NDUFAF1: variants seen among roughly 807,000 people sequenced by gnomAD.
The protein encoded by NDUFAF1 is NADH:ubiquinone oxidoreductase complex assembly factor 1.
Under a neutral mutation model 28.7 loss-of-function variants are expected in NDUFAF1, and 18 were observed. The ratio of observed to expected loss-of-function variants is 0.63; its 90% CI spans 0.43 to 0.93. NDUFAF1 has a LOEUF of 0.93. NDUFAF1 is among the 40% of genes least tolerant of loss of function. The probability of loss-of-function intolerance (pLI) is 0.00; values close to 1 mark genes in which losing one functional copy is unlikely to be tolerated. For synonymous variants in NDUFAF1, 113 were observed against 139.7 expected (o/e 0.81, Z 1.35); for missense variants, 404 against 398.3 (o/e 1.01, Z -0.12).
chr15:41,388,341 A>G, intron 4 of NDUFAF1, 107 bp downstream of exon 4: 1 of 911,252 alleles, frequency 1.1e-6, no homozygotes, highest in Non-Finnish European at 1.8e-6. Context: ...AGTGGCCCTG[A>G]GAAGAAATAT....
intron 1 of NDUFAF1, among the ~76,000 whole-genome samples, chr15:41,399,345 G>A (rs1327409361): frequency 2.0e-5 from 3 of 151,464 alleles, no homozygotes; most frequent in South Asian, 2.1e-4. Flanking sequence ...GCAGTGAGCC[G>A]AGATCGTGCC....
chr15:41,389,764 T>A (rs2050295521), intron 3 of NDUFAF1, among the ~76,000 whole-genome samples: 1 of 151,294 alleles, frequency 6.6e-6, no homozygotes, highest in Non-Finnish European at 1.5e-5. Context: ...AGACCCTGTC[T>A]CAAATAAGTA....
intron 2 of NDUFAF1, among the ~76,000 whole-genome samples, chr15:41,395,265 G>C (rs1049358793): frequency 6.6e-6 from 1 of 152,150 alleles, no homozygotes; most frequent in African/African-American, 2.4e-5. Context: ...GCCCAGGACA[G>C]TGTTTACATG....
chr15:41,391,226 GTATT>G (rs1306985124), intron 3 of NDUFAF1, among the ~76,000 whole-genome samples: 1 of 151,656 alleles, frequency 6.6e-6, no homozygotes, highest in Non-Finnish European at 1.5e-5. Flanking sequence ...ATATATGTAT[GTATT>G]GAGTGCTTAT....
rs548131735 is a variant in NDUFAF1 at position 41,389,707 on chromosome 15, G to A, written c.760-1185C>T. Among the ~76,000 whole-genome samples, 21 of 152,108 alleles carry A rather than the reference G, an allele frequency of 1.4e-4. No individual in the cohort carries two copies. In the East Asian group the frequency reaches 4.1e-3, roughly 29 times the overall value. ...AGGATCACCTGAGGCTGGGAGGTTGGGGCTACAGCGAGCCCATGCTGCACT... is the reference window on the plus strand; with the variant it reads ...AGGATCACCTGAGGCTGGGAGGTTGAGGCTACAGCGAGCCCATGCTGCACT... On this transcript the variant is annotated intron_variant, in intron 3 of 4. Transcript: ENST00000260361.
intron 3 of NDUFAF1, 55 bp downstream of exon 3, chr15:41,394,804 C>A: frequency 6.3e-7 from 1 of 1,583,214 alleles, no homozygotes; most frequent in Admixed American, 1.7e-5. Flanking sequence ...AGGCGTGAGC[C>A]ACCTCACCCA....
In NDUFAF1 at chr15:41,388,488, C is replaced by T. The variant is rs372830971; in HGVS notation, c.794G>A (p.Gly265Glu). The change falls in exon 4 of 5, where the codon GGA (glycine) becomes GAA (glutamate). Residue 265 changes from glycine to glutamate, a missense_variant. By Grantham distance (98) the Gly-to-Glu change is moderately conservative. Coordinates refer to ENST00000260361, the MANE Select transcript of NDUFAF1 (RefSeq NM_016013.4). ...PFSKFFFSNR[G>E]RIRDVQHELP... is the part of the protein sequence containing the mutation. ...CTCATGCTGAACATCCCGGATTCTTCCTCGATTAGAGAAGAAAAATTTGGA... is the reference window on the plus strand; with the variant it reads ...CTCATGCTGAACATCCCGGATTCTTTCTCGATTAGAGAAGAAAAATTTGGA... The T allele has an allele frequency of 5.0e-6, 8 of 1,613,198 alleles. No homozygotes were observed. The highest frequency in any genetic ancestry group is 1.1e-5 in the South Asian group (1 of 91,064).
intron 1 of NDUFAF1, among the ~76,000 whole-genome samples, chr15:41,400,456 C>T (rs575739358): frequency 6.6e-6 from 1 of 151,644 alleles, no homozygotes; most frequent in South Asian, 2.1e-4. Flanking sequence ...ATCCTCCTGC[C>T]TCAGCCTCTG....
intron 3 of NDUFAF1, among the ~76,000 whole-genome samples, chr15:41,390,020 G>A (rs576288874): frequency 2.0e-5 from 3 of 152,122 alleles, no homozygotes; most frequent in Admixed American, 2.0e-4. Context: ...AGTGCATGCA[G>A]TAGGGTGATC....
intron 3 of NDUFAF1, chr15:41,394,178 G>A (rs1386793495): frequency 8.8e-6 from 4 of 452,494 alleles, no homozygotes; most frequent in South Asian, 3.1e-5. Flanking sequence ...ACAGGCATGC[G>A]CCACCACGCC....
In NDUFAF1 at chr15:41,388,514, A is replaced by G. The variant is rs1285202799; in HGVS notation, c.768T>C (p.Phe256=). Residue 256 remains phenylalanine (F), a synonymous_variant, in exon 4 of 5, where the codon TTT becomes TTC. Transcript: ENST00000260361. ...GPYWQEVKIP[F]SKFFFSNRGR... is the part of the protein sequence containing the mutation. ...CTCGATTAGAGAAGAAAAATTTGGA[A>G]AAAGGAATCTGAAAGAAGAAACCAT... is the stretch of plus-strand genomic sequence containing the variant. 3.7e-6 allele frequency: 6 copies of G among 1,609,706 alleles called. No individual in the cohort carries two copies. The highest frequency in any genetic ancestry group is 5.1e-6 in the Non-Finnish European group (6 of 1,176,094).
In NDUFAF1 at chr15:41,394,620, C is replaced by CTTT. The variant is rs35958824; in HGVS notation, c.759+236_759+238dup. Reference sequence around the variant, plus strand: ...TACAATGTAACAATCATCTCCAAGACTTTTTTTTTTTTTTTTTTTTTTTTT... The same window carrying CTTT: ...TACAATGTAACAATCATCTCCAAGACTTTTTTTTTTTTTTTTTTTTTTTTTTTT... On this transcript the variant is annotated intron_variant, in intron 3 of 4. Transcript: ENST00000260361. Among the ~76,000 whole-genome samples, 111 of 55,588 alleles carry CTTT rather than the reference C, an allele frequency of 2.0e-3. 19 individuals carry two copies. Among genetic ancestry groups the CTTT allele is most frequent in the African/African-American group, 8.5e-3 (103 of 12,048 alleles). 36.5% of individuals were successfully genotyped at this position (55,588 alleles called of 152,430 possible).
At chr15:41,398,729 C>CA (rs1566826579) in intron 1 of NDUFAF1, among the ~76,000 whole-genome samples, 1 of 151,800 alleles carries the variant, frequency 6.6e-6, no homozygotes, top group Non-Finnish European at 1.5e-5. Context: ...CCAAGGTGGA[C>CA]GGATCACTTG....
At chr15:41,390,986 G>A (rs1045739554) in intron 3 of NDUFAF1, among the ~76,000 whole-genome samples, 4 of 151,960 alleles carry the variant, frequency 2.6e-5, no homozygotes, top group Non-Finnish European at 4.4e-5. Flanking sequence ...CCGAGATCCC[G>A]CCACTGCAGT....
Position 41,396,912 on chromosome 15 carries a change from A to C in NDUFAF1, c.148T>G (p.Ser50Ala). The change falls in exon 2 of 5, where the codon TCC becomes GCC. Residue 50 changes from serine (S) to alanine (A), a missense_variant. Physicochemically the swap from Ser to Ala is moderately conservative, Grantham distance 99. Coordinates refer to ENST00000260361, the MANE Select transcript of NDUFAF1 (RefSeq NM_016013.4). Reference protein sequence around the residue: ...QKPVASPGKASSQRKTEGDLQ... With the variant: ...QKPVASPGKAASQRKTEGDLQ... ...TCCCCTTCAGTCTTCCTCTGTGAGG[A>C]GGCTTTGCCAGGAGAAGCCACTGGT... is the stretch of plus-strand genomic sequence containing the variant. 1 of 1,614,018 alleles carries C rather than the reference A, an allele frequency of 6.2e-7. No individual in the cohort carries two copies.
At chr15:41,398,042 A>G (rs948602880) in intron 1 of NDUFAF1, among the ~76,000 whole-genome samples, 2 of 150,720 alleles carry the variant, frequency 1.3e-5, no homozygotes, top group African/African-American at 4.9e-5. Context: ...AAAAAAAAAA[A>G]AACAGAAAGA....
At chr15:41,394,000 C>G (rs926765519) in intron 3 of NDUFAF1, 1 of 293,772 alleles carries the variant, frequency 3.4e-6, no homozygotes, top group Admixed American at 4.8e-5. Flanking sequence ...TGAGCCACCA[C>G]GCCTGGCCTA....
At chr15:41,391,359 C>T (rs1362889190) in intron 3 of NDUFAF1, among the ~76,000 whole-genome samples, 3 of 151,948 alleles carry the variant, frequency 2.0e-5, no homozygotes, top group Non-Finnish European at 4.4e-5. Context: ...GTGGCTCAAA[C>T]GCCTATAATC....
chr15:41,394,080 G>A (rs2050350700), intron 3 of NDUFAF1: 1 of 230,850 alleles, frequency 4.3e-6, no homozygotes, highest in Non-Finnish European at 8.6e-6. Context: ...CCAGGCTGGA[G>A]TGCAATGACA....
Sources: allele counts gnomAD v4.1 joint callset (sites outside exome capture counted in the v4.1 genomes callset), GRCh38; gene constraint gnomAD v4.1.1; transcripts MANE v1.5; gene names NCBI Gene and HGNC (gene_info 2026-07-23, HGNC 2026-07-21).